GRIK2: variants seen among roughly 807,000 people sequenced by gnomAD.
GRIK2 encodes the protein glutamate ionotropic receptor kainate type subunit 2.
GRIK2 carries 32 observed loss-of-function variants against 100.3 expected under a neutral mutation model. The observed-to-expected ratio is 0.32, with a 90% CI of 0.24 to 0.43. The LOEUF is 0.43. Among genes scored for constraint, GRIK2 ranks in the 20% least tolerant of loss-of-function variants. The pLI is 1.00. For synonymous variants in GRIK2, 417 were observed against 389.4 expected, an observed-to-expected ratio of 1.07 and a Z score of -0.83; for missense variants, 843 against 1,114.9, an observed-to-expected ratio of 0.76 and a Z score of 3.47.
At chr6:101,872,710 A>G (rs1389115990) in intron 11 of GRIK2, among the ~76,000 whole-genome samples, 1 of 151,614 alleles carries the variant, frequency 6.6e-6, no homozygotes, top group Non-Finnish European at 1.5e-5. Context: ...ATTGTATCTC[A>G]TCTTTTTCAT....
Position 102,026,111 on chromosome 6 carries a change from C to CATATAT in GRIK2, c.2086-9191_2086-9186dup, listed in dbSNP as rs6149730. 9.3e-3 allele frequency among the ~76,000 whole-genome samples: 924 copies of CATATAT among 99,754 alleles called. 25 individuals carry two copies. The highest frequency in any genetic ancestry group is 0.011 in the Non-Finnish European group (542 of 50,278). The allele number at this position is 99,754 out of a possible 152,430, so 65.4% of individuals were successfully genotyped here. A position where few individuals can be genotyped will look rare whatever the true frequency, so the allele number is the denominator to read the frequency against. ...GTAAAGGCATATACATATACACTTACATATATATATATATATATATATATA... is the reference window on the plus strand; with the variant it reads ...GTAAAGGCATATACATATACACTTACATATATATATATATATATATATATATATATA... On this transcript the variant is annotated intron_variant, in intron 14 of 16. Coordinates refer to ENST00000369134, the MANE Select transcript of GRIK2 (RefSeq NM_021956.5).
At chr6:101,394,518 T>C (rs1460281962) in intron 1 of GRIK2, among the ~76,000 whole-genome samples, 1 of 152,178 alleles carries the variant, frequency 6.6e-6, no homozygotes, top group Non-Finnish European at 1.5e-5. Flanking sequence ...CAATGGGGAA[T>C]ATTAGAAAAC....
intron 15 of GRIK2, among the ~76,000 whole-genome samples, chr6:102,048,853 T>A (rs770393353): frequency 3.3e-5 from 5 of 152,030 alleles, no homozygotes; most frequent in African/African-American, 9.6e-5. Flanking sequence ...AATATCTGAA[T>A]AACTAATGAA....
chr6:101,493,380 C>G (rs1386749998), intron 2 of GRIK2, among the ~76,000 whole-genome samples: 1 of 151,878 alleles, frequency 6.6e-6, no homozygotes, highest in African/African-American at 2.4e-5. Context: ...ATACAGAATG[C>G]CTACAAAGAA....
intron 10 of GRIK2, among the ~76,000 whole-genome samples, chr6:101,854,787 G>A (rs1562440961): frequency 1.3e-5 from 2 of 151,936 alleles, no homozygotes; most frequent in African/African-American, 4.8e-5. Flanking sequence ...TATATGCTAG[G>A]CATTGTATTA....
intron 12 of GRIK2, among the ~76,000 whole-genome samples, chr6:101,909,713 TAA>T (rs201472458): frequency 0.026 from 3,909 of 150,994 alleles, 168 homozygotes; most frequent in African/African-American, 0.091. Context: ...TGTATGTGTG[TAA>T]GTGTGTTTCT....
intron 2 of GRIK2, among the ~76,000 whole-genome samples, chr6:101,450,586 T>G (rs546052139): frequency 6.6e-6 from 1 of 151,780 alleles, no homozygotes; most frequent in East Asian, 1.9e-4. Context: ...ACATGTATTT[T>G]GCAAGTAACT....
chr6:102,013,637 A>G (rs1795667035), intron 14 of GRIK2, among the ~76,000 whole-genome samples: 1 of 152,162 alleles, frequency 6.6e-6, no homozygotes, highest in South Asian at 2.1e-4. Flanking sequence ...AGTTTTTAAC[A>G]TGAAAAGATG....
intron 7 of GRIK2, among the ~76,000 whole-genome samples, chr6:101,700,152 A>AAAAC (rs142516473): frequency 1.3e-5 from 2 of 151,740 alleles, no homozygotes; most frequent in African/African-American, 2.4e-5. Context: ...TCTGTCTCAC[A>AAAAC]AAACAAACAA....
In GRIK2 at chr6:101,818,857, C is replaced by T. The variant is rs540622200; in HGVS notation, c.1317+374C>T. On this transcript the variant is annotated intron_variant, in intron 10 of 16. Transcript: ENST00000369134. ...GAACTTTGCTTCTGCTTTTATTTTC[C>T]GCAAATATATTTCATAGGGCATGGC... 7.9e-5 allele frequency among the ~76,000 whole-genome samples: 12 copies of T among 152,050 alleles called. 1 individual carries two copies. The highest frequency in any genetic ancestry group is 6.2e-4 in the South Asian group (3 of 4,816).
At chr6:101,921,756 C>T (rs959540249) in intron 12 of GRIK2, among the ~76,000 whole-genome samples, 1 of 151,896 alleles carries the variant, frequency 6.6e-6, no homozygotes, top group Admixed American at 6.6e-5. Context: ...CTTACCTTTC[C>T]TCACTATTAG....
chr6:101,758,238 T>A (rs1777257144), intron 7 of GRIK2, among the ~76,000 whole-genome samples: 1 of 152,072 alleles, frequency 6.6e-6, no homozygotes, highest in Admixed American at 6.6e-5. Context: ...AAATTAAAAA[T>A]TAAATAAATA....
chr6:101,616,532 A>G (rs914184276), intron 2 of GRIK2, among the ~76,000 whole-genome samples: 6 of 151,754 alleles, frequency 4.0e-5, no homozygotes, highest in Non-Finnish European at 7.4e-5. Flanking sequence ...AAGTATATCT[A>G]CCATAGTTTC....
At chr6:101,540,526 G>A (rs1775937302) in intron 2 of GRIK2, among the ~76,000 whole-genome samples, 2 of 151,654 alleles carry the variant, frequency 1.3e-5, no homozygotes, top group Non-Finnish European at 2.9e-5. Context: ...CACCTACTGT[G>A]TATCCACAAA....
intron 4 of GRIK2, among the ~76,000 whole-genome samples, chr6:101,628,858 A>C (rs1247799685): frequency 6.6e-6 from 1 of 152,152 alleles, no homozygotes; most frequent in Non-Finnish European, 1.5e-5. Flanking sequence ...CATAGGAAGA[A>C]GAAAATTGAC....
chr6:101,776,438 A>G (rs2128399960), intron 7 of GRIK2, among the ~76,000 whole-genome samples: 1 of 152,332 alleles, frequency 6.6e-6, no homozygotes, highest in Non-Finnish European at 1.5e-5. Flanking sequence ...GGTTATGGTT[A>G]TATTACAAAA....
At chr6:101,725,510 G>A (rs1774798267) in intron 7 of GRIK2, among the ~76,000 whole-genome samples, 1 of 151,936 alleles carries the variant, frequency 6.6e-6, no homozygotes, top group South Asian at 2.1e-4. Flanking sequence ...ATATCTGTGG[G>A]ACAATAGACA....
rs1772187922 is a variant in GRIK2, at chr6:102,070,054, AT to A, written c.*1544del. The A allele has an allele frequency of 6.6e-6, 1 of 152,076 alleles. No homozygotes were observed. Among genetic ancestry groups the A allele is most frequent in the Non-Finnish European group, 1.5e-5 (1 of 67,990 alleles). 9.4% of individuals were successfully genotyped at this position (152,076 alleles called of 1,614,324 possible). The stretch of plus-strand genomic sequence containing the variant: ...AATCCAATGCACAAAATTAAAAAAA[AT>A]CATTAAAACTATGTTCATTTTACTT... On this transcript the variant is annotated 3_prime_UTR_variant, in exon 17 of 17. Coordinates refer to ENST00000369134, the MANE Select transcript of GRIK2 (RefSeq NM_021956.5).
chr6:101,686,472 A>C (rs555700712), intron 7 of GRIK2, 119 bp downstream of exon 7: 11 of 668,520 alleles, frequency 1.6e-5, no homozygotes, highest in Non-Finnish European at 2.6e-5. Context: ...CATTAAAAGC[A>C]AAATATCAGA....
Sources: gnomAD v4.1 joint callset for allele counts (sites outside exome capture counted in the v4.1 genomes callset) on GRCh38, gnomAD v4.1.1 for gene constraint, MANE v1.5 for transcripts, NCBI Gene and HGNC (gene_info 2026-07-23, HGNC 2026-07-21) for gene names.